Variants in OTOG observed in about 807,000 individuals in gnomAD.
OTOG encodes the protein otogelin.
OTOG carries 296 observed loss-of-function variants against 313.8 expected under a neutral mutation model. That is an observed-to-expected ratio of 0.94 (90% confidence interval 0.86 to 1.04). The LOEUF (loss-of-function observed/expected upper bound fraction) is 1.04, where lower values mean the gene tolerates loss of function less well. OTOG is among the 50% of genes least tolerant of loss of function. OTOG has a pLI of 0.00. For missense variants in OTOG, 3,948 were observed against 3,840.1 expected (o/e 1.03, Z -0.74); for synonymous variants, 1,533 against 1,554.9 (o/e 0.99, Z 0.33).
rs779427684 is a variant in OTOG, at chr11:17,553,485, G to A, written c.506G>A (p.Arg169His). 1.2e-5 allele frequency: 18 copies of A among 1,452,574 alleles called. No individual in the cohort carries two copies. Among genetic ancestry groups the A allele is most frequent in the African/African-American group, 4.3e-5 (3 of 69,830 alleles). 90.0% of individuals were successfully genotyped at this position (1,452,574 alleles called of 1,614,324 possible). A position where few individuals can be genotyped will look rare whatever the true frequency, so the allele number is the denominator to read the frequency against. The change falls in exon 6 of 56, where the codon CGC (arginine) becomes CAC (histidine). Residue 169 changes from arginine to histidine, a missense_variant. Arg to His is a conservative substitution (Grantham distance 29). Transcript: ENST00000399397. ...SGKGSYTLVG[R>H]HEPEGQSFSI... ...AAGGGCAGCTACACCCTGGTGGGTCGCCATGAGCCCGAGGGACAGAGCTTC... is the reference window on the plus strand; with the variant it reads ...AAGGGCAGCTACACCCTGGTGGGTCACCATGAGCCCGAGGGACAGAGCTTC...
In OTOG at chr11:17,623,312, A is replaced by G. The variant is rs114795395; in HGVS notation, c.6529-5821A>G. Among the ~76,000 whole-genome samples, 1,482 of 152,204 alleles carry G rather than the reference A, an allele frequency of 9.7e-3. 30 individuals carry two copies. The highest frequency in any genetic ancestry group is 0.034 in the African/African-American group (1,396 of 41,522). On this transcript the variant is annotated intron_variant, in intron 39 of 55. Coordinates refer to ENST00000399397, the MANE Select transcript of OTOG (RefSeq NM_001292063.2). ...TCTTTCCTCCCACCTGACACCCTCC[A>G]GTACACCCCAGTATCTGTTGTTCCC...
intron 29 of OTOG, among the ~76,000 whole-genome samples, chr11:17,596,520 C>CT (rs1284838242): frequency 7.2e-5 from 11 of 152,354 alleles, no homozygotes; most frequent in African/African-American, 2.6e-4. Context: ...GCATGGCACC[C>CT]TGCAGGCCTT....
intron 47 of OTOG, among the ~76,000 whole-genome samples, 167 bp from the exon 48 acceptor site, chr11:17,638,284 C>T (rs1192906985): frequency 6.6e-6 from 1 of 152,164 alleles, no homozygotes; most frequent in African/African-American, 2.4e-5. Context: ...GAAGTAGCTC[C>T]CTGGGGAGAC....
intron 15 of OTOG, among the ~76,000 whole-genome samples, chr11:17,564,325 A>G (rs1046544185): frequency 8.5e-5 from 13 of 152,218 alleles, no homozygotes; most frequent in African/African-American, 2.4e-4. Flanking sequence ...CTGTGGAAGA[A>G]ATAGTCCTAT....
chr11:17,581,541 TG>T (rs778475740), intron 23 of OTOG, among the ~76,000 whole-genome samples: 21 of 152,302 alleles, frequency 1.4e-4, no homozygotes, highest in Non-Finnish European at 2.5e-4. Flanking sequence ...CTCAACAAAA[TG>T]GTTGGTCCTC....
intron 39 of OTOG, among the ~76,000 whole-genome samples, chr11:17,619,252 C>T (rs979859343): frequency 2.6e-5 from 4 of 152,144 alleles, no homozygotes; most frequent in Non-Finnish European, 5.9e-5. Context: ...GCCTGGGTGA[C>T]AGGAGTGAGG....
chr11:17,558,503 A>C lies in OTOG; in HGVS notation c.997-35A>C, dbSNP rs7130051. 245,011 of 1,548,478 alleles carry C rather than the reference A, an allele frequency of 0.16. 20,754 individuals carry two copies. The highest frequency in any genetic ancestry group is 0.25 in the African/African-American group (18,172 of 73,088). On this transcript the variant is annotated intron_variant, in intron 9 of 55. Transcript: ENST00000399397. The stretch of plus-strand genomic sequence containing the variant: ...GTGTGGGGCTGTGTGTGGCTTTGCC[A>C]GCCCCTAGCCCTGGCTCCTGGTCCC...
In OTOG at chr11:17,578,447, A is replaced by G; in HGVS notation, c.2680A>G (p.Arg894Gly). The change falls in exon 23 of 56, where the codon AGG (arginine) becomes GGG (glycine). Residue 894 changes from arginine to glycine, a missense_variant. Transcript: ENST00000399397. ...CACGGACCTGGAGCTGAGCAGGGAG[A>G]GGACGTGTGAGCAGCAACTGCTGAA... ...LHTDLELSRE[R>G]TCEQQLLNLS... is the part of the protein sequence containing the mutation. 6.5e-7 allele frequency: 1 copy of G among 1,541,562 alleles called. No homozygotes were observed. The highest frequency in any genetic ancestry group is 8.7e-7 in the Non-Finnish European group (1 of 1,146,878).
intron 25 of OTOG, among the ~76,000 whole-genome samples, chr11:17,592,923 C>T (rs997198433): frequency 6.6e-6 from 1 of 152,178 alleles, no homozygotes; most frequent in Non-Finnish European, 1.5e-5. Flanking sequence ...TTCCCCATAC[C>T]CTATCAACAC....
chr11:17,551,673 G>T (rs1029126883), intron 3 of OTOG, among the ~76,000 whole-genome samples: 2 of 152,116 alleles, frequency 1.3e-5, no homozygotes, highest in Non-Finnish European at 2.9e-5. Flanking sequence ...AGGGTTTACT[G>T]GGAGAGAGGG....
chr11:17,555,206 GATGTGTGTGT>G (rs1852028017), intron 6 of OTOG, among the ~76,000 whole-genome samples: 1 of 98,636 alleles, frequency 1.0e-5, no homozygotes, highest in African/African-American at 5.5e-5. Context: ...CGGGGGCAGA[GATGTGTGTGT>G]GTGTGTGTGT....
At chr11:17,597,276 A>G (rs1450042888) in intron 30 of OTOG, among the ~76,000 whole-genome samples, 1 of 152,222 alleles carries the variant, frequency 6.6e-6, no homozygotes, top group East Asian at 1.9e-4. Flanking sequence ...TCATCCCTAG[A>G]GAGTCCAATG....
At chr11:17,631,636 T>G in intron 40 of OTOG, 66 bp from the exon 41 acceptor site, 2 of 1,311,174 alleles carry the variant, frequency 1.5e-6, no homozygotes, top group South Asian at 2.7e-5. Flanking sequence ...ATACAAAAAG[T>G]GAGAGCTGAC....
intron 7 of OTOG, 41 bp from the exon 8 acceptor site, chr11:17,557,077 G>A (rs1050618307): frequency 2.6e-6 from 4 of 1,534,506 alleles, no homozygotes; most frequent in East Asian, 2.4e-5. Context: ...GGCTAGTGGA[G>A]GTGTTGTGGA....
chr11:17,613,447 C>A lies in OTOG; in HGVS notation c.6439-165C>A, dbSNP rs1019741618. ...TGCATGAGGTCAGATGGAGCCGCAACAGTTCCATGCAATCCTGGGCACCAT... is the reference window on the plus strand; with the variant it reads ...TGCATGAGGTCAGATGGAGCCGCAAAAGTTCCATGCAATCCTGGGCACCAT... On this transcript the variant is annotated intron_variant, in intron 38 of 55. Transcript: ENST00000399397. 4.0e-5 allele frequency among the ~76,000 whole-genome samples: 6 copies of A among 150,392 alleles called. No individual in the cohort carries two copies. The East Asian group carries it at 1.2e-3, about 30-fold the overall frequency.
chr11:17,642,067 G>A (rs1308556089), intron 52 of OTOG, 60 bp from the exon 53 acceptor site: 1 of 1,517,372 alleles, frequency 6.6e-7, no homozygotes, highest in African/African-American at 1.4e-5. Context: ...CAGACCCTAT[G>A]GGTTTGCGCA....
In OTOG at chr11:17,570,199, G is replaced by A; in HGVS notation, c.1778-14G>A. ...GCTGCCCTCCCACTCTCTCCTTTTG[G>A]ATTCTGTGCCCAGATGCCTTTGAGA... is the stretch of plus-strand genomic sequence containing the variant. On this transcript the variant is annotated splice_polypyrimidine_tract_variant and intron_variant, in intron 16 of 55. Coordinates refer to ENST00000399397, the MANE Select transcript of OTOG (RefSeq NM_001292063.2). 1 of 1,549,614 alleles carries A rather than the reference G, an allele frequency of 6.5e-7. No homozygotes were observed. The highest frequency in any genetic ancestry group is 1.2e-5 in the South Asian group (1 of 83,992).
intron 34 of OTOG, among the ~76,000 whole-genome samples, chr11:17,608,912 A>T (rs1300488529): frequency 6.6e-6 from 1 of 152,104 alleles, no homozygotes; most frequent in Non-Finnish European, 1.5e-5. Flanking sequence ...TGAGGGGTAG[A>T]AGTGTGCAGG....
At chr11:17,609,238 C>T (rs973304946) in intron 35 of OTOG, 29 bp downstream of exon 35, 2 of 1,534,456 alleles carry the variant, frequency 1.3e-6, no homozygotes, top group African/African-American at 2.7e-5. Flanking sequence ...TCATCCTTCC[C>T]TCAGATTTCC....
Sources: gnomAD v4.1 joint callset for allele counts (sites outside exome capture counted in the v4.1 genomes callset) on GRCh38, gnomAD v4.1.1 for gene constraint, MANE v1.5 for transcripts, NCBI Gene and HGNC (gene_info 2026-07-23, HGNC 2026-07-21) for gene names.